The following CLN3 variants were observed in gnomAD, a reference collection of about 807,000 sequenced individuals.
CLN3 encodes the protein battenin.
Under a neutral mutation model 60.7 loss-of-function variants are expected in CLN3, and 49 were observed. The ratio of observed to expected loss-of-function variants is 0.81; its 90% CI spans 0.64 to 1.02. The LOEUF (loss-of-function observed/expected upper bound fraction) is 1.02. CLN3 is among the 50% of genes least tolerant of loss of function. CLN3 has a pLI of 0.00. For synonymous variants in CLN3, 256 were observed against 245.8 expected (o/e 1.04, Z -0.39); for missense variants, 516 against 557.4 (o/e 0.93, Z 0.75).
chr16:28,477,417 G>A lies in CLN3; in HGVS notation c.*99C>T, dbSNP rs113845299. On this transcript the variant is annotated 3_prime_UTR_variant, in exon 16 of 16. Transcript: ENST00000636147. ...ACTCCCAGACCTGCCGGGAAGGCTG[G>A]GAGCACAGTTCATGGAGGGTCTCTG... The A allele has an allele frequency of 1.8e-3, 2,815 of 1,536,116 alleles. 28 individuals carry two copies. The African/African-American group carries it at 0.024, about 13-fold the overall frequency.
intron 14 of CLN3, 80 bp downstream of exon 14, chr16:28,482,025 G>T: frequency 9.6e-7 from 1 of 1,040,758 alleles, no homozygotes; most frequent in Non-Finnish European, 1.5e-6. Context: ...CACTGATAGT[G>T]GGAAGCAGGG....
the CLN3 span, among the ~76,000 whole-genome samples, chr16:28,468,744 T>C: frequency 8.2e-6 from 1 of 122,662 alleles, no homozygotes; most frequent in Non-Finnish European, 1.8e-5. Flanking sequence ...GAGGCAGAGG[T>C]TGCAGTGAGC....
intron 13 of CLN3, 57 bp from the exon 14 acceptor site, chr16:28,482,255 CCCGGTG>C: frequency 6.2e-7 from 1 of 1,603,422 alleles, no homozygotes; most frequent in South Asian, 1.1e-5. Context: ...TCCCGCTCCC[CCCGGTG>C]CCTACTGGGC....
At chr16:28,476,209 T>A (rs918659600), downstream of CLN3, 1 of 151,944 alleles carries the variant, frequency 6.6e-6, no homozygotes, top group African/African-American at 2.4e-5. Context: ...ACTGTAAAAA[T>A]ATGTAACAAT....
chr16:28,481,417 AACACACACAC>A (rs767753225), intron 14 of CLN3, among the ~76,000 whole-genome samples: 13 of 129,572 alleles, frequency 1.0e-4, no homozygotes, highest in South Asian at 2.6e-4. Flanking sequence ...CAATGCTTAA[AACACACACAC>A]ACACACACAC....
chr16:28,472,598 T>A (rs2045959589), downstream of CLN3, among the ~76,000 whole-genome samples: 2 of 151,200 alleles, frequency 1.3e-5, no homozygotes, highest in South Asian at 4.2e-4. Context: ...CCCAGCACTT[T>A]GGGAGGCCGA....
At chr16:28,475,547 G>GC (rs2045984210), downstream of CLN3, 1 of 152,204 alleles carries the variant, frequency 6.6e-6, no homozygotes. Flanking sequence ...AGTTCCTTCT[G>GC]CCCCCAAAGC....
intron 7 of CLN3, chr16:28,486,965 C>G: frequency 2.4e-6 from 1 of 418,282 alleles, no homozygotes; most frequent in East Asian, 5.1e-5. Context: ...GGCTGGAGTA[C>G]AGTGGCGTGA....
At position 28,482,135 on chromosome 16, in the gene CLN3, G is replaced by A; in HGVS notation, c.1026C>T (p.Ile342=). Residue 342 remains isoleucine, a synonymous_variant, in exon 14 of 16, where the codon ATC becomes ATT. Coordinates refer to ENST00000636147, the MANE Select transcript of CLN3 (RefSeq NM_001042432.2). ...ASRSSLRCCR[I]RFTWALALLQ... ...GCAGGGCCAGGGCCCAGGTGAAACG[G>A]ATGCGACAGCAGCGGAGAGAAGAGC... 1 of 1,613,750 alleles carries A rather than the reference G, an allele frequency of 6.2e-7. No individual in the cohort carries two copies. Among genetic ancestry groups the A allele is most frequent in the Non-Finnish European group, 8.5e-7 (1 of 1,179,934 alleles).
At chr16:28,490,163 C>T (rs117488909) in intron 3 of CLN3, among the ~76,000 whole-genome samples, 1,690 of 151,772 alleles carry the variant, frequency 0.011, 23 homozygotes, top group Admixed American at 0.03. Flanking sequence ...TATGTCAGGG[C>T]GGGGCACGGT....
At position 28,478,025 on chromosome 16, in the gene CLN3, T is replaced by C. The variant is rs34839; in HGVS notation, c.1057-148A>G. 385,289 of 862,762 alleles carry C rather than the reference T, an allele frequency of 0.45. 88,559 individuals are homozygous for C. Among genetic ancestry groups the C allele is most frequent in the African/African-American group, 0.53 (31,564 of 59,718 alleles). 53.4% of individuals were successfully genotyped at this position (862,762 alleles called of 1,614,324 possible). A position where few individuals can be genotyped will look rare whatever the true frequency, so the allele number is the denominator to read the frequency against. ...ATAAAATCTCAACACCAGCCCGGTG[T>C]GGTGGCTCACACCTGTAATCCCAGC... On this transcript the variant is annotated intron_variant, in intron 14 of 15. Coordinates refer to ENST00000636147, the MANE Select transcript of CLN3 (RefSeq NM_001042432.2).
At chr16:28,486,765 C>A in intron 7 of CLN3, 115 bp from the exon 8 acceptor site, 1 of 1,002,566 alleles carries the variant, frequency 1.0e-6, no homozygotes, top group Non-Finnish European at 1.5e-6. Context: ...TCCAATAGAT[C>A]CCATGCATAG....
Position 28,487,717 on chromosome 16 carries a change from G to A in CLN3, c.319C>T (p.Pro107Ser), listed in dbSNP as rs149095062. ...GCCAACAATTTGATGACGAGTGTGG[G>A]GAGGATGTCCGCCAGGAGCACAGCC... ...TAAVLLADILPTLVIKLLAPL... is the reference protein window; with the variant it reads ...TAAVLLADILSTLVIKLLAPL... Residue 107 changes from proline to serine, a missense_variant, in exon 6 of 16, where the codon CCC (proline) becomes TCC (serine). Coordinates refer to ENST00000636147, the MANE Select transcript of CLN3 (RefSeq NM_001042432.2). 1.9e-5 allele frequency: 30 copies of A among 1,613,654 alleles called. No homozygotes were observed. The highest frequency in any genetic ancestry group is 2.5e-5 in the Non-Finnish European group (29 of 1,179,896).
chr16:28,477,337 G>T lies in CLN3; in HGVS notation c.*179C>A. The T allele has an allele frequency of 1.3e-6, 1 of 753,036 alleles. No individual in the cohort carries two copies. The highest frequency in any genetic ancestry group is 2.2e-6 in the Non-Finnish European group (1 of 448,388). The allele number at this position is 753,036 out of a possible 1,614,324, so 46.6% of individuals were successfully genotyped here. On this transcript the variant is annotated 3_prime_UTR_variant, in exon 16 of 16. Transcript: ENST00000636147. ...ATGATGCCAGGAAGAAACTCCCCAAGTGGGAGACAATGGCTGGCCCCCCTG... is the reference window on the plus strand; with the variant it reads ...ATGATGCCAGGAAGAAACTCCCCAATTGGGAGACAATGGCTGGCCCCCCTG...
At chr16:28,486,834 G>A in intron 7 of CLN3, 184 bp from the exon 8 acceptor site, 1 of 666,298 alleles carries the variant, frequency 1.5e-6, no homozygotes, top group Non-Finnish European at 2.7e-6. Flanking sequence ...CATGGAGAGT[G>A]GCACCTCCAT....
At chr16:28,472,579 G>A (rs557311886), downstream of CLN3, among the ~76,000 whole-genome samples, 9 of 151,652 alleles carry the variant, frequency 5.9e-5, no homozygotes, top group Admixed American at 3.9e-4. Context: ...GCTGGTTCAC[G>A]CCTGTAATCC....
At position 28,486,398 on chromosome 16, in the gene CLN3, G is replaced by A. The variant is rs139417824; in HGVS notation, c.626C>T (p.Pro209Leu). 3.3e-5 allele frequency: 54 copies of A among 1,613,312 alleles called. No individual in the cohort carries two copies. Among genetic ancestry groups the A allele is most frequent in the Non-Finnish European group, 4.5e-5 (53 of 1,179,998 alleles). Residue 209 changes from proline to leucine, a missense_variant, in exon 9 of 16, where the codon CCT becomes CTT. Transcript: ENST00000636147. ...CAGCATGGACAGCAGGGTCTGCTGA[G>A]GGGAGAGGCCGGCCTGGGTGAGGCC... The part of the protein sequence containing the change: ...YLGLTQAGLS[P>L]QQTLLSMLGI...
At chr16:28,487,945 A>C in intron 5 of CLN3, 1 of 584,796 alleles carries the variant, frequency 1.7e-6, no homozygotes, top group Non-Finnish European at 3.1e-6. Context: ...CAGTTTCCTC[A>C]TCTGGAAAAT....
intron 3 of CLN3, 77 bp downstream of exon 3, chr16:28,491,405 C>T: frequency 3.8e-6 from 6 of 1,561,000 alleles, no homozygotes; most frequent in South Asian, 1.2e-5. Flanking sequence ...CGCAGCTTAA[C>T]TCTTTCTTCC....
Sources: allele counts gnomAD v4.1 joint callset (sites outside exome capture counted in the v4.1 genomes callset), GRCh38; gene constraint gnomAD v4.1.1; transcripts MANE v1.5; gene names NCBI Gene and HGNC (gene_info 2026-07-23, HGNC 2026-07-21).